Variants in PIEZO2 observed in about 807,000 individuals in gnomAD.
PIEZO2 encodes piezo type mechanosensitive ion channel component 2.
Under a neutral mutation model 337.3 loss-of-function variants are expected in PIEZO2, and 172 were observed. That is an observed-to-expected ratio of 0.51 (90% CI 0.45 to 0.58). The LOEUF is 0.58. PIEZO2 is among the 20% of genes least tolerant of loss of function. The pLI, the probability that PIEZO2 is intolerant of heterozygous loss-of-function variation, is 0.00. For synonymous variants in PIEZO2, 1,251 were observed against 1,228.5 expected, an observed-to-expected ratio of 1.02 and a Z score of -0.38; for missense variants, 3,028 against 3,391.3, an observed-to-expected ratio of 0.89 and a Z score of 2.66.
intron 1 of PIEZO2, among the ~76,000 whole-genome samples, chr18:11,119,844 G>A (rs1020358840): frequency 2.0e-5 from 3 of 152,038 alleles, no homozygotes; most frequent in East Asian, 1.9e-4. Context: ...TCAGAGTTTC[G>A]AACAGTAAAT....
chr18:10,706,208 C>G (rs781432889), intron 40 of PIEZO2, among the ~76,000 whole-genome samples: 2 of 152,168 alleles, frequency 1.3e-5, no homozygotes, highest in Non-Finnish European at 2.9e-5. Flanking sequence ...ACACAACAGA[C>G]CCACCCAGAC....
rs1268199836 is a variant in PIEZO2 at position 10,715,663 on chromosome 18, C to T, written c.5243G>A (p.Arg1748Lys). The change falls in exon 38 of 56, where the codon AGA becomes AAA. Residue 1748 changes from arginine (R) to lysine (K), a missense_variant. Physicochemically the swap from Arg to Lys is conservative, Grantham distance 26. Transcript: ENST00000674853. Reference protein sequence around the residue: ...VLRIERCMLTREIKKGNVPTR... With the variant: ...VLRIERCMLTKEIKKGNVPTR... The stretch of plus-strand genomic sequence containing the variant: ...CAGCAGTGTTACCTTCTTAATTTCT[C>T]TGGTCAGCATGCATCGTTCAATTCT... 16 of 1,524,624 alleles carry T rather than the reference C, an allele frequency of 1.0e-5. No individual in the cohort carries two copies. 94.4% of individuals were successfully genotyped at this position (1,524,624 alleles called of 1,614,324 possible).
intron 4 of PIEZO2, among the ~76,000 whole-genome samples, chr18:10,900,842 A>T (rs1437532695): frequency 6.6e-6 from 1 of 152,086 alleles, no homozygotes; most frequent in East Asian, 1.9e-4. Context: ...CACAACCTTC[A>T]TTTTTGCCTA....
At chr18:10,964,283 G>A (rs1021416999) in intron 3 of PIEZO2, among the ~76,000 whole-genome samples, 1 of 152,030 alleles carries the variant, frequency 6.6e-6, no homozygotes, top group Non-Finnish European at 1.5e-5. Flanking sequence ...AATTCTGAGT[G>A]TATAGCACTG....
At chr18:10,736,563 G>T (rs777653356) in intron 34 of PIEZO2, 41 bp downstream of exon 34, 2 of 1,535,550 alleles carry the variant, frequency 1.3e-6, no homozygotes, top group African/African-American at 2.7e-5. Context: ...AATAAGAAAA[G>T]CTCTTCCAAC....
chr18:10,979,762 T>C lies in PIEZO2; in HGVS notation c.161-102A>G. 1 of 1,030,666 alleles carries C rather than the reference T, an allele frequency of 9.7e-7. No individual in the cohort carries two copies. Among genetic ancestry groups the C allele is most frequent in the East Asian group, 2.8e-5 (1 of 35,210 alleles). 63.8% of individuals were successfully genotyped at this position (1,030,666 alleles called of 1,614,324 possible). ...TGTATAACCTATTAGATAGACCGAC[T>C]CAAAAGTATATGGAATGTAATAATT... On this transcript the variant is annotated intron_variant, in intron 2 of 55. Coordinates refer to ENST00000674853, the MANE Select transcript of PIEZO2 (RefSeq NM_001378183.1). This position sits in a 1 kb window ranked among gnomAD's most constrained non-coding sequence, Gnocchi z 4.0.
intron 11 of PIEZO2, among the ~76,000 whole-genome samples, chr18:10,798,306 G>T (rs2039682948): frequency 6.6e-6 from 1 of 152,042 alleles, no homozygotes; most frequent in African/African-American, 2.4e-5. Flanking sequence ...AATGGGCTAT[G>T]TATAGGTGGG....
chr18:10,725,342 G>A, intron 36 of PIEZO2: 1 of 1,605,304 alleles, frequency 6.2e-7, no homozygotes, highest in South Asian at 1.1e-5. Context: ...TGGTGCAGCT[G>A]AGTGAAGACC....
intron 42 of PIEZO2, among the ~76,000 whole-genome samples, chr18:10,703,368 G>C (rs2035421849): frequency 6.6e-6 from 1 of 152,210 alleles, no homozygotes; most frequent in Non-Finnish European, 1.5e-5. Flanking sequence ...TCAAGCAATA[G>C]ATATATATTT....
At chr18:10,811,427 G>GT (rs1253038347) in intron 7 of PIEZO2, among the ~76,000 whole-genome samples, 2 of 152,144 alleles carry the variant, frequency 1.3e-5, no homozygotes, top group African/African-American at 2.4e-5. Flanking sequence ...TTAAAGGTAA[G>GT]TTTTTTTAAC....
In PIEZO2 at chr18:10,969,267, C is replaced by T. The variant is rs565437095; in HGVS notation, c.286+10268G>A. On this transcript the variant is annotated intron_variant, in intron 3 of 55. Coordinates refer to ENST00000674853, the MANE Select transcript of PIEZO2 (RefSeq NM_001378183.1). This position sits in a 1 kb window ranked among gnomAD's most constrained non-coding sequence, Gnocchi z 4.5. ...TTGTAAATAATTTACACTAGAAATG[C>T]TGCATCATGAAGCTGAGGTTAGAGA... Among the ~76,000 whole-genome samples, 5 of 152,280 alleles carry T rather than the reference C, an allele frequency of 3.3e-5. 1 individual carries two copies. Among genetic ancestry groups the T allele is most frequent in the Admixed American group, 1.3e-4 (2 of 15,302 alleles).
chr18:11,103,805 G>A (rs570860777), intron 1 of PIEZO2, among the ~76,000 whole-genome samples: 1 of 151,270 alleles, frequency 6.6e-6, no homozygotes, highest in African/African-American at 2.4e-5. Context: ...GTGTGTGTGT[G>A]TGTGCGTGTG....
intron 27 of PIEZO2, among the ~76,000 whole-genome samples, chr18:10,755,731 A>T (rs1384349820): frequency 2.0e-5 from 3 of 151,880 alleles, no homozygotes; most frequent in Non-Finnish European, 4.4e-5. Flanking sequence ...GCCACAGGGG[A>T]GACACTGCTC....
At chr18:10,752,970 G>A in intron 27 of PIEZO2, 91 bp from the exon 28 acceptor site, 1 of 1,409,692 alleles carries the variant, frequency 7.1e-7, no homozygotes, top group Non-Finnish European at 9.4e-7. Flanking sequence ...AGAAATTCAT[G>A]CTCTCTGCTG....
In PIEZO2 at chr18:10,854,501, A is replaced by C. The variant is rs1351644484; in HGVS notation, c.917+852T>G. Among the ~76,000 whole-genome samples, 3 of 152,178 alleles carry C rather than the reference A, an allele frequency of 2.0e-5. No individual in the cohort carries two copies. The highest frequency in any genetic ancestry group is 7.2e-5 in the African/African-American group (3 of 41,444). ...AATTCTATTATTCCTTTGCCCTGTC[A>C]TTATCTAACATCATCCTGCATGGAG... On this transcript the variant is annotated intron_variant, in intron 7 of 55. Coordinates refer to ENST00000674853, the MANE Select transcript of PIEZO2 (RefSeq NM_001378183.1). This position sits in a 1 kb window ranked among gnomAD's most constrained non-coding sequence, Gnocchi z 4.6.
At chr18:10,919,977 T>G (rs1454219000) in intron 3 of PIEZO2, among the ~76,000 whole-genome samples, 1 of 152,102 alleles carries the variant, frequency 6.6e-6, no homozygotes, top group African/African-American at 2.4e-5. Flanking sequence ...AAACTCAAAT[T>G]ATAGTGTTGT....
At chr18:10,898,991 G>A (rs565283201) in intron 4 of PIEZO2, among the ~76,000 whole-genome samples, 4 of 152,320 alleles carry the variant, frequency 2.6e-5, no homozygotes, top group African/African-American at 9.6e-5. Flanking sequence ...CTGACGCCAA[G>A]AAAGGCAGGG....
At chr18:10,836,625 T>C (rs1281266088) in intron 7 of PIEZO2, among the ~76,000 whole-genome samples, 1 of 152,238 alleles carries the variant, frequency 6.6e-6, no homozygotes, top group East Asian at 1.9e-4. Context: ...ATAGGCCATG[T>C]CCTATAATAG....
At chr18:11,029,894 A>G (rs1568310985) in intron 2 of PIEZO2, among the ~76,000 whole-genome samples, 2 of 151,914 alleles carry the variant, frequency 1.3e-5, no homozygotes, top group Admixed American at 6.5e-5. Context: ...TAATTCCACC[A>G]TGGCCATGTT....
Sources: allele counts gnomAD v4.1 joint callset (sites outside exome capture counted in the v4.1 genomes callset), GRCh38; gene constraint gnomAD v4.1.1; non-coding constraint Gnocchi (gnomAD v3.1); transcripts MANE v1.5; gene names NCBI Gene and HGNC (gene_info 2026-07-23, HGNC 2026-07-21).